TLN2: variants seen among roughly 807,000 people sequenced by gnomAD.
TLN2 encodes talin 2, also known as talin-2.
Under a neutral mutation model 294.7 loss-of-function variants are expected in TLN2, and 118 were observed. The observed-to-expected ratio is 0.40, with a 90% confidence interval of 0.34 to 0.47. The LOEUF is 0.47. Ranked by LOEUF, TLN2 falls within the 20% of genes least tolerant of loss-of-function variation. The probability of loss-of-function intolerance (pLI) is 0.84; values close to 1 mark genes in which losing one functional copy is unlikely to be tolerated. For synonymous variants in TLN2, 1,431 were observed against 1,304.5 expected, an observed-to-expected ratio of 1.10 and a Z score of -2.09; for missense variants, 3,083 against 3,282.2, an observed-to-expected ratio of 0.94 and a Z score of 1.48.
chr15:62,829,895 G>GTCT (rs2068616498), intron 54 of TLN2: 1 of 152,168 alleles, frequency 6.6e-6, no homozygotes, highest in Non-Finnish European at 1.5e-5. Context: ...TACAATGTTT[G>GTCT]TCTTTCTGTG....
intron 45 of TLN2, among the ~76,000 whole-genome samples, chr15:62,789,422 A>G (rs971466277): frequency 6.6e-6 from 1 of 152,184 alleles, no homozygotes; most frequent in Non-Finnish European, 1.5e-5. Context: ...CAGCTGCACC[A>G]TTGATCATAT....
chr15:62,613,988 T>A (rs1213173536), intron 2 of TLN2, among the ~76,000 whole-genome samples: 1 of 152,160 alleles, frequency 6.6e-6, no homozygotes, highest in East Asian at 1.9e-4. Flanking sequence ...GAGGGGGACC[T>A]GATTTACAAA....
intron 16 of TLN2, 24 bp from the exon 17 acceptor site, chr15:62,701,082 T>C (rs368030387): frequency 3.2e-4 from 506 of 1,600,768 alleles, no homozygotes; most frequent in Non-Finnish European, 3.9e-4. Flanking sequence ...TGTGATTGTG[T>C]TGTGCCGTTG....
chr15:62,391,117 G>A (rs1184227470), intron 1 of TLN2, among the ~76,000 whole-genome samples: 5 of 152,188 alleles, frequency 3.3e-5, no homozygotes, highest in African/African-American at 9.6e-5. Context: ...CCGGGCCCCC[G>A]CGCCAGAAGA....
At position 62,440,984 on chromosome 15, in the gene TLN2, A is replaced by G. The variant is rs146151176; in HGVS notation, c.-238+50299A>G. On this transcript the variant is annotated intron_variant, in intron 1 of 58. Transcript: ENST00000636159. ...AGGTTCTGGTTATAGTCACATTGGT[A>G]TATAATACATAGCTGGTTCATCAGG... 1.4e-3 allele frequency among the ~76,000 whole-genome samples: 216 copies of G among 152,334 alleles called. 1 individual carries two copies. Among genetic ancestry groups the G allele is most frequent in the Non-Finnish European group, 2.7e-3 (186 of 68,040 alleles).
intron 11 of TLN2, 80 bp downstream of exon 11, chr15:62,675,401 G>T (rs1190063378): frequency 1.4e-6 from 2 of 1,439,702 alleles, no homozygotes; most frequent in African/African-American, 2.8e-5. Flanking sequence ...GTTAAGCCTG[G>T]TTTGTCCTGC....
chr15:62,588,677 T>C (rs1390338694), intron 1 of TLN2, among the ~76,000 whole-genome samples: 2 of 104,424 alleles, frequency 1.9e-5, no homozygotes, highest in Non-Finnish European at 3.7e-5. Context: ...TATATATATA[T>C]ATATATATAT....
At chr15:62,511,699 AT>A (rs1333961310) in intron 1 of TLN2, among the ~76,000 whole-genome samples, 1 of 151,576 alleles carries the variant, frequency 6.6e-6, no homozygotes, top group East Asian at 1.9e-4. Flanking sequence ...AATTTTGAGG[AT>A]TGACCCCAAT....
chr15:62,723,064 ACT>A (rs2060242467), intron 26 of TLN2, among the ~76,000 whole-genome samples: 1 of 151,968 alleles, frequency 6.6e-6, no homozygotes, highest in South Asian at 2.1e-4. Context: ...CTCATTTACT[ACT>A]CTGTTTGATG....
At chr15:62,775,019 C>T (rs1004318808) in intron 42 of TLN2, among the ~76,000 whole-genome samples, 5 of 127,894 alleles carry the variant, frequency 3.9e-5, no homozygotes, top group Admixed American at 1.0e-4. Context: ...TGCAGTGGGG[C>T]GATCTCAGCT....
chr15:62,691,974 A>T (rs1346781643), intron 12 of TLN2, among the ~76,000 whole-genome samples: 1 of 152,162 alleles, frequency 6.6e-6, no homozygotes, highest in Non-Finnish European at 1.5e-5. Context: ...TGCCCAGCCC[A>T]TTGGGAGACT....
In TLN2 at chr15:62,573,872, G is replaced by T. The variant is rs148610473; in HGVS notation, c.-237-15815G>T. Among the ~76,000 whole-genome samples, 712 of 151,940 alleles carry T rather than the reference G, an allele frequency of 4.7e-3. 4 individuals are homozygous for T. Among genetic ancestry groups the T allele is most frequent in the Middle Eastern group, 6.8e-3 (2 of 294 alleles). On this transcript the variant is annotated intron_variant, in intron 1 of 58. Transcript: ENST00000636159. The stretch of plus-strand genomic sequence containing the variant: ...CTATGGATGGGGACACAGTGGCTTA[G>T]TGGGGAAATAGCTACCCAAGCTCAC...
intron 12 of TLN2, among the ~76,000 whole-genome samples, chr15:62,692,623 G>A (rs1567369263): frequency 6.6e-6 from 1 of 152,146 alleles, no homozygotes; most frequent in Non-Finnish European, 1.5e-5. Flanking sequence ...GGTTTTGCAA[G>A]TTCTGAGCCC....
At chr15:62,513,226 C>T (rs912761531) in intron 1 of TLN2, among the ~76,000 whole-genome samples, 3 of 152,208 alleles carry the variant, frequency 2.0e-5, no homozygotes, top group Admixed American at 1.3e-4. Context: ...CCCCTCCTTA[C>T]TGCTTTGCAG....
At chr15:62,606,165 T>C (rs1420194250) in intron 2 of TLN2, among the ~76,000 whole-genome samples, 5 of 152,068 alleles carry the variant, frequency 3.3e-5, no homozygotes, top group Admixed American at 6.6e-5. Flanking sequence ...CACTGCAACC[T>C]CCGCCTCCCA....
rs1425640447 is a variant in TLN2, at chr15:62,450,541, GTA to G, written c.-238+59858_-238+59859del. ...TGTATGTATGTATGTATGTATGTATGTATGTATGTGTGTGTGTGTGTGTGTGT... is the reference window on the plus strand; with the variant it reads ...TGTATGTATGTATGTATGTATGTATGTGTATGTGTGTGTGTGTGTGTGTGT... On this transcript the variant is annotated intron_variant, in intron 1 of 58. Transcript: ENST00000636159. Among the ~76,000 whole-genome samples, 28 of 52,386 alleles carry G rather than the reference GTA, an allele frequency of 5.3e-4. 1 individual carries two copies. Among genetic ancestry groups the G allele is most frequent in the Admixed American group, 1.8e-3 (7 of 3,934 alleles). The allele number at this position is 52,386 out of a possible 152,430, so 34.4% of individuals were successfully genotyped here.
At chr15:62,740,280 A>G (rs1378429397) in intron 31 of TLN2, among the ~76,000 whole-genome samples, 1 of 152,158 alleles carries the variant, frequency 6.6e-6, no homozygotes, top group Admixed American at 6.5e-5. Context: ...TTGTTGAGCA[A>G]GATGCTGGAA....
chr15:62,527,887 T>C lies in TLN2; in HGVS notation c.-237-61800T>C, dbSNP rs1029730649. On this transcript the variant is annotated intron_variant, in intron 1 of 58. Transcript: ENST00000636159. ...ATCCTATAGCCACTAACCATTATGA[T>C]AGATTTCCTCCTAGTCTTTTTCTCT... 7.2e-5 allele frequency among the ~76,000 whole-genome samples: 11 copies of C among 152,324 alleles called. No homozygotes were observed. The East Asian group carries it at 2.1e-3, about 29-fold the overall frequency.
chr15:62,767,916 A>G (rs75081173), intron 41 of TLN2, among the ~76,000 whole-genome samples: 2,854 of 152,308 alleles, frequency 0.019, 43 homozygotes, highest in Middle Eastern at 0.037. Context: ...ATTAATTCCT[A>G]TGTTAGTGGT....
Sources: gnomAD v4.1 joint callset for allele counts (sites outside exome capture counted in the v4.1 genomes callset) on GRCh38, gnomAD v4.1.1 for gene constraint, MANE v1.5 for transcripts, NCBI Gene and HGNC (gene_info 2026-07-23, HGNC 2026-07-21) for gene names.